ACO2: variants seen among roughly 807,000 people sequenced by gnomAD.
ACO2 encodes aconitase 2.
In ACO2, 31 loss-of-function variants were observed where a neutral mutation model predicts 84.5. The observed-to-expected ratio is 0.37, with a 90% CI of 0.28 to 0.50. ACO2 has a LOEUF of 0.50. ACO2 is among the 20% of genes least tolerant of loss of function. The pLI, the probability that ACO2 is intolerant of heterozygous loss-of-function variation, is 0.97. For missense variants in ACO2, 685 were observed against 1,029.3 expected (o/e 0.67, Z 4.58); for synonymous variants, 414 against 412.7 (o/e 1.00, Z -0.04).
At chr22:41,522,364 G>A (rs937597864) in intron 9 of ACO2, among the ~76,000 whole-genome samples, 5 of 152,170 alleles carry the variant, frequency 3.3e-5, no homozygotes, top group African/African-American at 1.2e-4. Flanking sequence ...AGACTGTCTA[G>A]ACAGAAAGTG....
chr22:41,513,874 G>A (rs375655610), intron 4 of ACO2, among the ~76,000 whole-genome samples: 4 of 152,010 alleles, frequency 2.6e-5, no homozygotes, highest in African/African-American at 9.6e-5. Context: ...CAGCGTCATC[G>A]TGACATCTTC....
intron 3 of ACO2, among the ~76,000 whole-genome samples, chr22:41,510,035 C>T (rs1355110702): frequency 6.6e-6 from 1 of 152,106 alleles, no homozygotes; most frequent in Non-Finnish European, 1.5e-5. Flanking sequence ...AGGGTTTCAC[C>T]ACGTTGGCCA....
At chr22:41,527,476 A>C in intron 16 of ACO2, 56 bp downstream of exon 16, 1 of 1,553,508 alleles carries the variant, frequency 6.4e-7, no homozygotes, top group South Asian at 1.2e-5. Context: ...GATCAAGGTC[A>C]CTCTCCCTGC....
chr22:41,525,383 C>T, intron 14 of ACO2, 35 bp downstream of exon 14: 1 of 1,608,320 alleles, frequency 6.2e-7, no homozygotes, highest in Non-Finnish European at 8.5e-7. Context: ...CAGCCCCACC[C>T]TGCCAGGGCC....
chr22:41,524,723 G>C (rs1309180834), intron 12 of ACO2, 123 bp from the exon 13 acceptor site: 1 of 1,466,062 alleles, frequency 6.8e-7, no homozygotes, highest in Admixed American at 1.8e-5. Context: ...GGAACACAGG[G>C]GTCTGGGAAG....
At chr22:41,507,041 G>A (rs2066398679) in intron 2 of ACO2, among the ~76,000 whole-genome samples, 1 of 152,042 alleles carries the variant, frequency 6.6e-6, no homozygotes, top group South Asian at 2.1e-4. Flanking sequence ...CGGACCCCAG[G>A]GCAGGTTTGG....
intron 1 of ACO2, among the ~76,000 whole-genome samples, chr22:41,472,139 G>C (rs901876724): frequency 3.9e-5 from 6 of 152,114 alleles, no homozygotes; most frequent in Non-Finnish European, 8.8e-5. Context: ...TGGATCACAA[G>C]GTCAGGAGTT....
chr22:41,500,103 C>G (rs2066343344), intron 2 of ACO2, among the ~76,000 whole-genome samples: 1 of 152,030 alleles, frequency 6.6e-6, no homozygotes, highest in Non-Finnish European at 1.5e-5. Context: ...ACAGCCAGGT[C>G]TCTGAGACAC....
chr22:41,526,162 C>T lies in ACO2; in HGVS notation c.1762-100C>T, dbSNP rs1465696392. 2.8e-6 allele frequency: 3 copies of T among 1,082,830 alleles called. No individual in the cohort carries two copies. The African/African-American group carries it at 4.8e-5, about 17-fold the overall frequency. 67.1% of individuals were successfully genotyped at this position (1,082,830 alleles called of 1,614,324 possible). On this transcript the variant is annotated intron_variant, in intron 14 of 17. Transcript: ENST00000216254. Reference sequence around the variant, plus strand: ...GCCTGCCTCTCACCCCTCTGTCACCCCTCCTGGGCCCCGGGGCCTGCTGCC... The same window carrying T: ...GCCTGCCTCTCACCCCTCTGTCACCTCTCCTGGGCCCCGGGGCCTGCTGCC...
intron 1 of ACO2, among the ~76,000 whole-genome samples, chr22:41,480,823 G>GTTGTTT (rs2038078209): frequency 6.6e-6 from 1 of 151,982 alleles, no homozygotes; most frequent in African/African-American, 2.4e-5. Flanking sequence ...TGTTGTTGTT[G>GTTGTTT]TTGTTCTTCC....
intron 9 of ACO2, 72 bp downstream of exon 9, chr22:41,520,348 AC>A (rs2066513492): frequency 4.2e-6 from 5 of 1,181,996 alleles, no homozygotes. Flanking sequence ...GTAGACAATC[AC>A]CTATGCCTAC....
intron 14 of ACO2, 116 bp from the exon 15 acceptor site, chr22:41,526,146 T>C (rs992209576): frequency 8.5e-5 from 74 of 868,214 alleles, no homozygotes; most frequent in Middle Eastern, 3.6e-4. Flanking sequence ...TGCCTGCCTC[T>C]CACCCCTCTG....
rs960346755 is a variant in ACO2, at chr22:41,520,247, A to G, written c.1109A>G (p.Lys370Arg). Residue 370 changes from lysine (K) to arginine (R), a missense_variant, in exon 9 of 18, where the codon AAG becomes AGG. Around this residue, in one of 5 missense-constraint regions of ACO2, gnomAD observed 311 missense variants for 441.6 expected, o/e 0.70. Coordinates refer to ENST00000216254, the MANE Select transcript of ACO2 (RefSeq NM_001098.3). ...GCAGAAGTGGGCAAGGTGGCAGAGA[A>G]GGAAGGATGGCCTCTGGACATCCGA... is the stretch of plus-strand genomic sequence containing the variant. ...PVAEVGKVAE[K>R]EGWPLDIRVG... The G allele has an allele frequency of 6.2e-7, 1 of 1,614,054 alleles. No individual in the cohort carries two copies. Among genetic ancestry groups the G allele is most frequent in the Non-Finnish European group, 8.5e-7 (1 of 1,179,948 alleles).
At chr22:41,526,169 G>A (rs1195861373) in intron 14 of ACO2, 93 bp from the exon 15 acceptor site, 5 of 1,188,014 alleles carry the variant, frequency 4.2e-6, no homozygotes, top group Admixed American at 2.2e-5. Flanking sequence ...ACCCCTCCTG[G>A]GCCCCGGGGC....
chr22:41,526,582 G>A, intron 15 of ACO2, 129 bp downstream of exon 15: 1 of 1,066,498 alleles, frequency 9.4e-7, no homozygotes, highest in South Asian at 1.7e-5. Flanking sequence ...GGACTGCTGT[G>A]GAAGGGAGGA....
In ACO2 at chr22:41,495,892, C is replaced by T. The variant is rs556905686; in HGVS notation, c.37-3834C>T. ...CTGGGATTACAGGCGTGAGCCACCG[C>T]GCTCAGCCACAGTTGTTTTTATTTC... On this transcript the variant is annotated intron_variant, in intron 1 of 17. Coordinates refer to ENST00000216254, the MANE Select transcript of ACO2 (RefSeq NM_001098.3). Among the ~76,000 whole-genome samples the T allele has an allele frequency of 7.9e-5, 12 of 151,986 alleles. No homozygotes were observed. The South Asian group carries it at 1.0e-3, about 13-fold the overall frequency.
chr22:41,501,481 C>T (rs957552912), intron 2 of ACO2, among the ~76,000 whole-genome samples: 12 of 152,230 alleles, frequency 7.9e-5, no homozygotes, highest in Non-Finnish European at 1.5e-5. Flanking sequence ...CACCAGCCTG[C>T]ACTGCCACAC....
At chr22:41,492,431 G>A (rs1465216501) in intron 1 of ACO2, among the ~76,000 whole-genome samples, 2 of 152,140 alleles carry the variant, frequency 1.3e-5, no homozygotes, top group African/African-American at 4.8e-5. Context: ...GAGGTCAGGA[G>A]TTTGAGACCA....
chr22:41,472,234 T>C (rs2037954085), intron 1 of ACO2, among the ~76,000 whole-genome samples: 1 of 151,828 alleles, frequency 6.6e-6, no homozygotes, highest in South Asian at 2.1e-4. Context: ...GCGCCTGTAG[T>C]CCCAGCTACT....
Sources: gnomAD v4.1 joint callset for allele counts (sites outside exome capture counted in the v4.1 genomes callset) on GRCh38, gnomAD v4.1.1 for gene constraint, gnomAD v4.1.1 regional missense constraint, MANE v1.5 for transcripts, NCBI Gene and HGNC (gene_info 2026-07-23, HGNC 2026-07-21) for gene names.